TBC1D23: variants seen among roughly 807,000 people sequenced by gnomAD.
TBC1D23 encodes the protein TBC1 domain family member 23, also known as HCV non-structural protein 4A-transactivated protein 1.
TBC1D23 carries 55 observed loss-of-function variants against 91.4 expected under a neutral mutation model. The ratio of observed to expected loss-of-function variants is 0.60; its 90% CI spans 0.48 to 0.75. The LOEUF is 0.75. TBC1D23 is among the 30% of genes least tolerant of loss of function. TBC1D23 has a pLI of 0.00. For synonymous variants in TBC1D23, 289 were observed against 281.0 expected (o/e 1.03, Z -0.28); for missense variants, 725 against 836.1 (o/e 0.87, Z 1.64).
intron 10 of TBC1D23, among the ~76,000 whole-genome samples, chr3:100,300,281 T>C (rs1705399787): frequency 6.6e-6 from 1 of 152,110 alleles, no homozygotes; most frequent in Non-Finnish European, 1.5e-5. Flanking sequence ...TAAGTCTACC[T>C]TTCCCCTTCC....
At chr3:100,311,974 A>T (rs769126943) in intron 15 of TBC1D23, 97 bp downstream of exon 15, 20 of 787,020 alleles carry the variant, frequency 2.5e-5, no homozygotes, top group Non-Finnish European at 3.9e-5. Context: ...CTCAAATTTC[A>T]TGCAGCTATT....
chr3:100,296,404 G>A, intron 8 of TBC1D23, 129 bp downstream of exon 8: 1 of 544,970 alleles, frequency 1.8e-6, no homozygotes, highest in Non-Finnish European at 3.1e-6. Flanking sequence ...AGTTTTGTGT[G>A]ATTTTTTTTT....
At chr3:100,307,507 G>A (rs1316720905) in intron 13 of TBC1D23, among the ~76,000 whole-genome samples, 3 of 152,204 alleles carry the variant, frequency 2.0e-5, no homozygotes, top group Non-Finnish European at 4.4e-5. Flanking sequence ...TAAATGGAAA[G>A]TATAGTACCT....
At chr3:100,283,851 T>A in intron 4 of TBC1D23, 40 bp downstream of exon 4, 1 of 1,342,376 alleles carries the variant, frequency 7.4e-7, no homozygotes, top group Non-Finnish European at 1.1e-6. Context: ...TAAAAGTGAA[T>A]ACAGGCCTGG....
At chr3:100,291,557 TGGGCAACA>T (rs2067790350) in intron 5 of TBC1D23, among the ~76,000 whole-genome samples, 1 of 149,568 alleles carries the variant, frequency 6.7e-6, no homozygotes, top group East Asian at 2.0e-4. Flanking sequence ...CACTCCAGCC[TGGGCAACA>T]GAGTGAGACT....
chr3:100,280,109 A>AC (rs1345699106), intron 2 of TBC1D23, among the ~76,000 whole-genome samples: 1 of 151,864 alleles, frequency 6.6e-6, no homozygotes, highest in Non-Finnish European at 1.5e-5. Context: ...ACATGGTGAG[A>AC]CCCCATCTCT....
At chr3:100,302,335 T>A in intron 11 of TBC1D23, 98 bp downstream of exon 11, 3 of 1,024,148 alleles carry the variant, frequency 2.9e-6, no homozygotes, top group Non-Finnish European at 4.0e-6. Flanking sequence ...TTATCTGTAC[T>A]TTTCTTGGTT....
intron 13 of TBC1D23, among the ~76,000 whole-genome samples, chr3:100,307,155 G>C (rs892191803): frequency 6.6e-6 from 1 of 152,124 alleles, no homozygotes; most frequent in Non-Finnish European, 1.5e-5. Flanking sequence ...CTGTTTTTCT[G>C]TTCTTTGGAA....
intron 10 of TBC1D23, chr3:100,301,831 T>A: frequency 2.4e-6 from 1 of 411,324 alleles, no homozygotes; most frequent in Non-Finnish European, 4.2e-6. Context: ...TAGTAGAGAA[T>A]TATTTTCTTT....
rs773441630 is a variant in TBC1D23 at position 100,261,064 on chromosome 3, G to T, written c.46G>T (p.Asp16Tyr). The change falls in exon 1 of 19, where the codon GAC becomes TAC. Residue 16 changes from aspartate (D) to tyrosine (Y), a missense_variant. Coordinates refer to ENST00000394144, the MANE Select transcript of TBC1D23 (RefSeq NM_001199198.3). ...GCCGCCGCTGCCAACGTCGAGCGGC[G>T]ACGGCTGGTGAGTGAAAGCCGGGGC... ...DVPPLPTSSG[D>Y]GWEKDLEEAL... 3 of 1,613,772 alleles carry T rather than the reference G, an allele frequency of 1.9e-6. No homozygotes were observed. The South Asian group carries it at 3.3e-5, about 18-fold the overall frequency.
chr3:100,321,696 C>T (rs1254050393), intron 18 of TBC1D23, among the ~76,000 whole-genome samples: 1 of 152,162 alleles, frequency 6.6e-6, no homozygotes, highest in Non-Finnish European at 1.5e-5. Context: ...TATCGCAGCA[C>T]TTTTAAATAA....
intron 1 of TBC1D23, among the ~76,000 whole-genome samples, chr3:100,265,171 T>TGC (rs1457876844): frequency 6.6e-6 from 1 of 152,124 alleles, no homozygotes; most frequent in African/African-American, 2.4e-5. Flanking sequence ...AAAAGGCAGG[T>TGC]GTCTCAGTAA....
At chr3:100,309,541 T>G (rs1218894696) in intron 13 of TBC1D23, among the ~76,000 whole-genome samples, 1 of 150,900 alleles carries the variant, frequency 6.6e-6, no homozygotes, top group East Asian at 1.9e-4. Context: ...TCTTATATAA[T>G]AAAAAAGATA....
intron 16 of TBC1D23, among the ~76,000 whole-genome samples, chr3:100,316,719 C>G (rs1453038037): frequency 6.6e-6 from 1 of 151,894 alleles, no homozygotes; most frequent in East Asian, 1.9e-4. Flanking sequence ...AGTCTTGAAA[C>G]TGGAGGCAAT....
At chr3:100,281,635 T>C in intron 2 of TBC1D23, 107 bp from the exon 3 acceptor site, 1 of 675,934 alleles carries the variant, frequency 1.5e-6, no homozygotes, top group East Asian at 2.8e-5. Flanking sequence ...ACCTTAATTG[T>C]AATCTTTGTT....
rs192989866 is a variant in TBC1D23 at position 100,313,255 on chromosome 3, A to G, written c.1598+1378A>G. ...TTAGTCTAATTTTTTTCAACTCCCA[A>G]GTTCTCAAATTATTAATTTTTGTAA... On this transcript the variant is annotated intron_variant, in intron 15 of 18. Coordinates refer to ENST00000394144, the MANE Select transcript of TBC1D23 (RefSeq NM_001199198.3). Among the ~76,000 whole-genome samples, 522 of 152,212 alleles carry G rather than the reference A, an allele frequency of 3.4e-3. 2 individuals carry two copies. The highest frequency in any genetic ancestry group is 6.5e-3 in the Non-Finnish European group (442 of 67,994).
rs554895801 is a variant in TBC1D23, at chr3:100,303,927, A to T, written c.1264-919A>T. Among the ~76,000 whole-genome samples, 42 of 152,214 alleles carry T rather than the reference A, an allele frequency of 2.8e-4. 1 individual carries two copies. In the South Asian group the frequency reaches 8.5e-3, roughly 31 times the overall value. On this transcript the variant is annotated intron_variant, in intron 11 of 18. Coordinates refer to ENST00000394144, the MANE Select transcript of TBC1D23 (RefSeq NM_001199198.3). ...TTTTTCCCCAACTTTTATTATGGAA[A>T]GTTTCAAGGAAATTGAAAAGTAGGG...
At chr3:100,312,008 C>G in intron 15 of TBC1D23, 131 bp downstream of exon 15, 1 of 636,678 alleles carries the variant, frequency 1.6e-6, no homozygotes, top group South Asian at 2.0e-5. Flanking sequence ...TTTCCTCATT[C>G]TGCTTTTTAG....
chr3:100,304,437 C>A (rs1248585026), intron 11 of TBC1D23, among the ~76,000 whole-genome samples: 1 of 151,768 alleles, frequency 6.6e-6, no homozygotes, highest in Non-Finnish European at 1.5e-5. Context: ...TGGTAACATT[C>A]CCTTATTTCT....
Sources: gnomAD v4.1 joint callset for allele counts (sites outside exome capture counted in the v4.1 genomes callset) on GRCh38, gnomAD v4.1.1 for gene constraint, MANE v1.5 for transcripts, NCBI Gene and HGNC (gene_info 2026-07-23, HGNC 2026-07-21) for gene names.